Variants in CDC42BPB observed in about 807,000 individuals in gnomAD.
CDC42BPB encodes the protein CDC42 binding protein kinase beta.
A neutral mutation model predicts 214.9 loss-of-function variants in CDC42BPB; 37 were observed. That is an observed-to-expected ratio of 0.17 (90% CI 0.13 to 0.23). The LOEUF is 0.23. Ranked by LOEUF, CDC42BPB falls within the 10% of genes least tolerant of loss-of-function variation. The pLI is 1.00. For missense variants in CDC42BPB, 1,694 were observed against 2,227.0 expected, an observed-to-expected ratio of 0.76 and a Z score of 4.82; for synonymous variants, 931 against 884.0, an observed-to-expected ratio of 1.05 and a Z score of -0.94.
intron 1 of CDC42BPB, among the ~76,000 whole-genome samples, chr14:103,013,035 G>T (rs1024420969): frequency 6.6e-6 from 1 of 152,174 alleles, no homozygotes. Flanking sequence ...TATCCCCATC[G>T]TTATGCAACA....
chr14:103,037,150 T>A (rs1002435719), intron 1 of CDC42BPB, among the ~76,000 whole-genome samples: 1 of 152,148 alleles, frequency 6.6e-6, no homozygotes, highest in East Asian at 1.9e-4. Context: ...CAAATTAACA[T>A]TCAATTTTAA....
At chr14:103,037,473 T>C (rs369148352) in intron 1 of CDC42BPB, among the ~76,000 whole-genome samples, 3 of 152,182 alleles carry the variant, frequency 2.0e-5, no homozygotes, top group East Asian at 1.9e-4. Context: ...TTTGTATAAT[T>C]TGTAGAATCG....
intron 19 of CDC42BPB, among the ~76,000 whole-genome samples, chr14:102,963,579 C>T (rs1043322595): frequency 6.6e-6 from 1 of 152,226 alleles, no homozygotes; most frequent in African/African-American, 2.4e-5. Context: ...CCAGCAACTT[C>T]GTGCAGGGGA....
chr14:103,023,357 G>A (rs956180164), intron 1 of CDC42BPB, among the ~76,000 whole-genome samples: 1 of 152,026 alleles, frequency 6.6e-6, no homozygotes, highest in Non-Finnish European at 1.5e-5. Flanking sequence ...TAGTAGAGAC[G>A]GGTTTCACCT....
At chr14:102,981,704 G>T (rs1002639654) in intron 7 of CDC42BPB, among the ~76,000 whole-genome samples, 6 of 152,176 alleles carry the variant, frequency 3.9e-5, no homozygotes, top group African/African-American at 1.2e-4. Flanking sequence ...TTAAACTCGG[G>T]AGGTGCAAGT....
intron 7 of CDC42BPB, among the ~76,000 whole-genome samples, chr14:102,982,466 G>T (rs759657591): frequency 6.6e-6 from 1 of 152,092 alleles, no homozygotes; most frequent in Non-Finnish European, 1.5e-5. Flanking sequence ...GGTGAAATCG[G>T]CATTAGGAAG....
intron 3 of CDC42BPB, among the ~76,000 whole-genome samples, chr14:103,007,567 G>A (rs371283485): frequency 1.3e-5 from 2 of 152,330 alleles, no homozygotes; most frequent in South Asian, 2.1e-4. Context: ...TGGCCACGTC[G>A]AGAGGTTCAA....
chr14:102,986,828 ACC>A, intron 5 of CDC42BPB: 1 of 642,424 alleles, frequency 1.6e-6, no homozygotes, highest in Non-Finnish European at 1.9e-6. Flanking sequence ...TCGTCTGCCC[ACC>A]CAGCTAACGA....
intron 1 of CDC42BPB, among the ~76,000 whole-genome samples, chr14:103,015,750 T>C (rs939307454): frequency 4.6e-5 from 7 of 152,006 alleles, no homozygotes; most frequent in African/African-American, 7.3e-5. Context: ...CTAGCTTTGT[T>C]GCCAGGCTGG....
At position 103,038,077 on chromosome 14, in the gene CDC42BPB, C is replaced by T. The variant is rs185186447; in HGVS notation, c.175+18922G>A. Among the ~76,000 whole-genome samples, 911 of 151,378 alleles carry T rather than the reference C, an allele frequency of 6.0e-3. 13 individuals carry two copies. The highest frequency in any genetic ancestry group is 0.021 in the African/African-American group (870 of 41,150). ...ACTGGCTGGGTGCGGTGGCTCATGC[C>T]TGTAATCCCAGCACTTTGGGAGGCC... is the stretch of plus-strand genomic sequence containing the variant. On this transcript the variant is annotated intron_variant, in intron 1 of 36. Coordinates refer to ENST00000361246, the MANE Select transcript of CDC42BPB (RefSeq NM_006035.4).
chr14:103,004,697 G>A lies in CDC42BPB; in HGVS notation c.352-674C>T, dbSNP rs1048815649. ...AGCCTGGCCAACATGATGAAACCCT[G>A]TCTCTACTAAAAACTAGAAAAACTA... On this transcript the variant is annotated intron_variant, in intron 3 of 36. Coordinates refer to ENST00000361246, the MANE Select transcript of CDC42BPB (RefSeq NM_006035.4). The surrounding 1 kb of genome is among the most constrained non-coding windows in gnomAD (Gnocchi z 5.3). Among the ~76,000 whole-genome samples the A allele has an allele frequency of 6.6e-6, 1 of 152,178 alleles. No individual in the cohort carries two copies.
chr14:103,017,377 A>C (rs1309291621), intron 1 of CDC42BPB, among the ~76,000 whole-genome samples: 2 of 152,256 alleles, frequency 1.3e-5, no homozygotes, highest in East Asian at 3.9e-4. Context: ...TAACATATAA[A>C]ATTTAAAAAT....
At chr14:102,979,221 T>TC (rs1305720178) in intron 8 of CDC42BPB, among the ~76,000 whole-genome samples, 2 of 151,804 alleles carry the variant, frequency 1.3e-5, no homozygotes, top group Non-Finnish European at 2.9e-5. Flanking sequence ...TTCTTGTTTT[T>TC]TTTTTTTTTT....
At chr14:102,942,963 G>C (rs1891966919) in intron 30 of CDC42BPB, among the ~76,000 whole-genome samples, 1 of 152,212 alleles carries the variant, frequency 6.6e-6, no homozygotes, top group South Asian at 2.1e-4. Flanking sequence ...CTGTGTCCTG[G>C]GTTCAAGCGA....
intron 34 of CDC42BPB, among the ~76,000 whole-genome samples, chr14:102,939,288 C>T (rs551737060): frequency 5.3e-5 from 8 of 152,206 alleles, no homozygotes; most frequent in South Asian, 2.1e-4. Flanking sequence ...TCTGTTGGTA[C>T]GAAGGTGTTA....
chr14:102,937,667 C>T (rs1054211557), intron 36 of CDC42BPB, among the ~76,000 whole-genome samples: 4 of 152,246 alleles, frequency 2.6e-5, no homozygotes, highest in African/African-American at 7.2e-5. Context: ...ACAACAGTGG[C>T]GCTTGTCCTG....
chr14:102,973,199 T>C (rs1273861852), intron 12 of CDC42BPB, among the ~76,000 whole-genome samples: 1 of 152,128 alleles, frequency 6.6e-6, no homozygotes, highest in Non-Finnish European at 1.5e-5. Context: ...ACTATGACCC[T>C]GTCAAGCAAT....
intron 1 of CDC42BPB, 143 bp downstream of exon 1, chr14:103,056,856 G>A (rs1037655896): frequency 5.8e-6 from 3 of 521,580 alleles, no homozygotes; most frequent in Admixed American, 4.4e-5. Flanking sequence ...CGCTGCCAGA[G>A]CGAGAGGAGG....
At chr14:102,973,702 A>G (rs1348672404) in intron 12 of CDC42BPB, among the ~76,000 whole-genome samples, 2 of 151,800 alleles carry the variant, frequency 1.3e-5, no homozygotes, top group African/African-American at 4.8e-5. Flanking sequence ...TTTAGAATGC[A>G]GTGGGGTGCT....
Sources: gnomAD v4.1 joint callset for allele counts (sites outside exome capture counted in the v4.1 genomes callset) on GRCh38, gnomAD v4.1.1 for gene constraint, Gnocchi (gnomAD v3.1) non-coding constraint, MANE v1.5 for transcripts, NCBI Gene and HGNC (gene_info 2026-07-23, HGNC 2026-07-21) for gene names.